VPS13A: variants seen among roughly 807,000 people sequenced by gnomAD.
The protein encoded by VPS13A is vacuolar protein sorting 13 homolog A.
In VPS13A, 264 loss-of-function variants were observed where a neutral mutation model predicts 390.9. The observed-to-expected ratio is 0.68, with a 90% CI of 0.61 to 0.75. The LOEUF is 0.75. VPS13A is among the 30% of genes least tolerant of loss of function. The probability of loss-of-function intolerance (pLI) is 0.00; values close to 1 mark genes in which losing one functional copy is unlikely to be tolerated. For missense variants in VPS13A, 3,409 were observed against 3,733.9 expected, an observed-to-expected ratio of 0.91 and a Z score of 2.27; for synonymous variants, 1,231 against 1,227.1, an observed-to-expected ratio of 1.00 and a Z score of -0.07.
At position 77,344,177 on chromosome 9, in the gene VPS13A, G is replaced by T; in HGVS notation, c.7051G>T (p.Ala2351Ser). 3 of 1,608,512 alleles carry T rather than the reference G, an allele frequency of 1.9e-6. No individual in the cohort carries two copies. In the South Asian group the frequency reaches 3.3e-5, roughly 18 times the overall value. ...EQCIPFWPEY[A>S]SSKLLIQVER... ...GTGTATCCCCTTTTGGCCTGAGTATGCTTCTAGTAAACTTCTTATTCAAGT... is the reference window on the plus strand; with the variant it reads ...GTGTATCCCCTTTTGGCCTGAGTATTCTTCTAGTAAACTTCTTATTCAAGT... Residue 2351 changes from alanine (A) to serine (S), a missense_variant, in exon 51 of 72, where the codon GCT (alanine) becomes TCT (serine). Ala to Ser is a moderately conservative substitution (Grantham distance 99). This residue lies in a region of VPS13A where 2,717 missense variants were observed against 2,917.4 expected (regional missense o/e 0.93). Transcript: ENST00000360280.
chr9:77,319,825 C>A (rs932362039), intron 42 of VPS13A, 152 bp downstream of exon 42: 1 of 490,264 alleles, frequency 2.0e-6, no homozygotes, highest in Non-Finnish European at 3.5e-6. Flanking sequence ...GTATAGCCTC[C>A]CCCTTTATTA....
At chr9:77,311,746 A>G (rs1423337484) in intron 35 of VPS13A, among the ~76,000 whole-genome samples, 2 of 152,216 alleles carry the variant, frequency 1.3e-5, no homozygotes, top group Admixed American at 1.3e-4. Flanking sequence ...ATGTAATACA[A>G]TGTTACACTC....
At chr9:77,221,142 C>T in intron 12 of VPS13A, 43 bp from the exon 13 acceptor site, 1 of 1,576,898 alleles carries the variant, frequency 6.3e-7, no homozygotes, top group Non-Finnish European at 8.7e-7. Context: ...ATGTTTCATA[C>T]TGTTGATTTG....
chr9:77,227,592 T>G, intron 16 of VPS13A, 107 bp downstream of exon 16: 1 of 865,858 alleles, frequency 1.2e-6, no homozygotes, highest in Non-Finnish European at 1.8e-6. Flanking sequence ...GTGTGATCTC[T>G]GCTGCCAGCC....
chr9:77,228,167 G>C lies in VPS13A; in HGVS notation c.1498G>C (p.Val500Leu), dbSNP rs776549674. 2.5e-6 allele frequency: 4 copies of C among 1,604,066 alleles called. No individual in the cohort carries two copies. The highest frequency in any genetic ancestry group is 3.4e-5 in the Admixed American group (2 of 59,486). Residue 500 changes from valine (V) to leucine (L), a missense_variant, in exon 17 of 72, where the codon GTT becomes CTT. Physicochemically the swap from Val to Leu is conservative, Grantham distance 32. Transcript: ENST00000360280. Reference sequence around the variant, plus strand: ...TGTCCACTTGAAAAGTATGTCTATTGTTCTAAGAGAAAATCATCAAAAACC... The same window carrying C: ...TGTCCACTTGAAAAGTATGTCTATTCTTCTAAGAGAAAATCATCAAAAACC... ...FFVHLKSMSIVLRENHQKPEL... is the reference protein window; with the variant it reads ...FFVHLKSMSILLRENHQKPEL...
chr9:77,412,755 C>T (rs895703991), intron 71 of VPS13A, among the ~76,000 whole-genome samples: 2 of 152,074 alleles, frequency 1.3e-5, no homozygotes, highest in East Asian at 3.9e-4. Flanking sequence ...CCAGGGCAAT[C>T]AGGCAGGAGA....
At chr9:77,238,486 T>G in intron 19 of VPS13A, 100 bp downstream of exon 19, 1 of 935,706 alleles carries the variant, frequency 1.1e-6, no homozygotes, top group Non-Finnish European at 1.7e-6. Context: ...TTAAATTTAT[T>G]ATATTTCTAG....
intron 1 of VPS13A, among the ~76,000 whole-genome samples, chr9:77,193,520 G>C (rs1824807602): frequency 6.6e-6 from 1 of 152,128 alleles, no homozygotes; most frequent in Non-Finnish European, 1.5e-5. Context: ...TGTAATCCTA[G>C]TTACCCAGGA....
chr9:77,369,371 T>C lies in VPS13A; in HGVS notation c.8626T>C (p.Phe2876Leu), dbSNP rs1400669341. ...AAATCCATTTGGCTTAATTAGAGAA[T>C]TTTCTGAAGGTGTAGAAGCATTTTT... is the stretch of plus-strand genomic sequence containing the variant. Reference protein sequence around the residue: ...LGNPFGLIREFSEGVEAFFYE... With the variant: ...LGNPFGLIRELSEGVEAFFYE... Residue 2876 changes from phenylalanine (F) to leucine (L), a missense_variant, in exon 63 of 72, where the codon TTT (phenylalanine) becomes CTT (leucine). Phe to Leu is a conservative substitution (Grantham distance 22, BLOSUM62 0). This residue lies in a region of VPS13A where 30 missense variants were observed against 63.4 expected (regional missense o/e 0.47). Coordinates refer to ENST00000360280, the MANE Select transcript of VPS13A (RefSeq NM_033305.3). 1 of 1,613,806 alleles carries C rather than the reference T, an allele frequency of 6.2e-7. No individual in the cohort carries two copies. Among genetic ancestry groups the C allele is most frequent in the Non-Finnish European group, 8.5e-7 (1 of 1,179,770 alleles).
chr9:77,207,213 T>TATATATA (rs1554859894), intron 5 of VPS13A, among the ~76,000 whole-genome samples: 1 of 43,096 alleles, frequency 2.3e-5, no homozygotes, highest in South Asian at 9.0e-4. Flanking sequence ...TATTTAGATA[T>TATATATA]TATATATATA....
chr9:77,332,940 C>T (rs1461813343), intron 46 of VPS13A, among the ~76,000 whole-genome samples: 1 of 152,160 alleles, frequency 6.6e-6, no homozygotes, highest in Non-Finnish European at 1.5e-5. Flanking sequence ...GACAATCTAG[C>T]AGTTTTAGGC....
intron 33 of VPS13A, among the ~76,000 whole-genome samples, chr9:77,297,324 T>A (rs1053061209): frequency 6.6e-6 from 1 of 152,046 alleles, no homozygotes; most frequent in African/African-American, 2.4e-5. Flanking sequence ...TCTCTGGTAT[T>A]TTATCATATA....
intron 31 of VPS13A, among the ~76,000 whole-genome samples, chr9:77,290,822 T>C (rs1253876973): frequency 1.3e-5 from 2 of 152,206 alleles, no homozygotes. Context: ...TATAATAATA[T>C]TCACCATCTA....
In VPS13A at chr9:77,381,960, A is replaced by ATT; in HGVS notation, c.9078-9_9078-8dup. On this transcript the variant is annotated splice_polypyrimidine_tract_variant and intron_variant, in intron 67 of 71. Coordinates refer to ENST00000360280, the MANE Select transcript of VPS13A (RefSeq NM_033305.3). The stretch of plus-strand genomic sequence containing the variant: ...TGAATAATTTTTAAAATAAAGTTAT[A>ATT]TTTTTTTTCCTCTAGAGCTACAGAG... 2.6e-6 allele frequency: 4 copies of ATT among 1,535,924 alleles called. No homozygotes were observed. The highest frequency in any genetic ancestry group is 3.6e-6 in the Non-Finnish European group (4 of 1,122,138).
At chr9:77,186,875 TA>T (rs1824370651) in intron 1 of VPS13A, among the ~76,000 whole-genome samples, 1 of 152,244 alleles carries the variant, frequency 6.6e-6, no homozygotes, top group Non-Finnish European at 1.5e-5. Flanking sequence ...ACTTACCCGT[TA>T]AGCAATGACT....
At chr9:77,353,722 A>G (rs1251012351) in intron 54 of VPS13A, 81 bp downstream of exon 54, 4 of 1,331,204 alleles carry the variant, frequency 3.0e-6, no homozygotes, top group Non-Finnish European at 4.2e-6. Flanking sequence ...ATCTCAAATG[A>G]TTTAGTTTCA....
At chr9:77,402,664 G>A in intron 68 of VPS13A, among the ~76,000 whole-genome samples, 1 of 152,128 alleles carries the variant, frequency 6.6e-6, no homozygotes, top group East Asian at 1.9e-4. Context: ...ACAGTGTCAT[G>A]GATAGACAGT....
chr9:77,402,677 T>G (rs1454399099), intron 68 of VPS13A, among the ~76,000 whole-genome samples: 2 of 152,210 alleles, frequency 1.3e-5, no homozygotes, highest in Non-Finnish European at 2.9e-5. Context: ...TAGACAGTGT[T>G]TCAACAGTCT....
At chr9:77,299,904 A>G (rs1212137895) in intron 33 of VPS13A, among the ~76,000 whole-genome samples, 2 of 152,074 alleles carry the variant, frequency 1.3e-5, no homozygotes, top group East Asian at 3.9e-4. Context: ...AGGAGGGGGA[A>G]CATCACACAG....
Sources: allele counts gnomAD v4.1 joint callset (sites outside exome capture counted in the v4.1 genomes callset), GRCh38; gene constraint gnomAD v4.1.1; regional missense constraint gnomAD v4.1.1; transcripts MANE v1.5; gene names NCBI Gene and HGNC (gene_info 2026-07-23, HGNC 2026-07-21).